Variants in NPAS3 observed in about 807,000 individuals in gnomAD.
NPAS3 encodes neuronal PAS domain-containing protein 3.
In NPAS3, 14 loss-of-function variants were observed where a neutral mutation model predicts 73.1. The ratio of observed to expected loss-of-function variants is 0.19; its 90% CI spans 0.13 to 0.30. The LOEUF (loss-of-function observed/expected upper bound fraction) is 0.30, where lower values mean the gene tolerates loss of function less well. Among genes scored for constraint, NPAS3 ranks in the 10% least tolerant of loss-of-function variants. The probability of loss-of-function intolerance (pLI) is 1.00; values close to 1 mark genes in which losing one functional copy is unlikely to be tolerated. For missense variants in NPAS3, 1,096 were observed against 1,250.0 expected (o/e 0.88, Z 1.86); for synonymous variants, 620 against 541.5 (o/e 1.14, Z -2.01).
intron 1 of NPAS3, among the ~76,000 whole-genome samples, chr14:32,943,619 A>C (rs2036121907): frequency 6.6e-6 from 1 of 150,388 alleles, no homozygotes; most frequent in Non-Finnish European, 1.5e-5. Context: ...TTGGGGAAGC[A>C]TTATTTATTT....
At chr14:33,528,857 G>T (rs954010435) in intron 4 of NPAS3, among the ~76,000 whole-genome samples, 7 of 152,086 alleles carry the variant, frequency 4.6e-5, no homozygotes, top group Non-Finnish European at 1.0e-4. Flanking sequence ...TAGCGGTCAC[G>T]TGTCACATCA....
At chr14:33,649,037 G>A (rs1371512504) in intron 5 of NPAS3, among the ~76,000 whole-genome samples, 6 of 152,144 alleles carry the variant, frequency 3.9e-5, no homozygotes, top group Admixed American at 3.9e-4. Context: ...GTAGAGGGAA[G>A]CACCCTATAC....
At chr14:33,594,997 A>C (rs1193984138) in intron 5 of NPAS3, among the ~76,000 whole-genome samples, 1 of 152,280 alleles carries the variant, frequency 6.6e-6, no homozygotes, top group South Asian at 2.1e-4. Flanking sequence ...AAAGGAGAAA[A>C]CCATGCCATT....
chr14:33,079,663 G>C (rs149044399), intron 2 of NPAS3, among the ~76,000 whole-genome samples: 4,512 of 138,774 alleles, frequency 0.033, 239 homozygotes, highest in African/African-American at 0.12. Context: ...GCAGGCTGGA[G>C]TGCAGTGGTG....
At chr14:33,774,139 G>A (rs752245993) in intron 7 of NPAS3, among the ~76,000 whole-genome samples, 198 bp from the exon 8 acceptor site, 2 of 152,156 alleles carry the variant, frequency 1.3e-5, no homozygotes, top group Admixed American at 1.3e-4. Context: ...CTTGAGGAAC[G>A]CCTGGAATGT....
At chr14:33,601,434 A>G (rs2057396056) in intron 5 of NPAS3, among the ~76,000 whole-genome samples, 1 of 152,188 alleles carries the variant, frequency 6.6e-6, no homozygotes. Context: ...ATTGTCATGT[A>G]TTTTTGGCAA....
chr14:33,406,719 A>G (rs2047684199), intron 4 of NPAS3, among the ~76,000 whole-genome samples: 1 of 152,136 alleles, frequency 6.6e-6, no homozygotes, highest in Admixed American at 6.6e-5. Context: ...TGTTCCTGAT[A>G]GTTTTTACTC....
chr14:33,459,942 C>T (rs975142843), intron 4 of NPAS3, among the ~76,000 whole-genome samples: 6 of 152,142 alleles, frequency 3.9e-5, no homozygotes, highest in Admixed American at 6.5e-5. Flanking sequence ...GCCTAGTGCC[C>T]AGCATGGTGC....
intron 3 of NPAS3, among the ~76,000 whole-genome samples, chr14:33,347,288 G>GT (rs1566818227): frequency 6.6e-6 from 1 of 152,148 alleles, no homozygotes; most frequent in Non-Finnish European, 1.5e-5. Flanking sequence ...GTATCAAAAG[G>GT]TAAGGAAAAG....
intron 1 of NPAS3, among the ~76,000 whole-genome samples, chr14:32,946,014 A>T (rs936986043): frequency 6.6e-6 from 1 of 152,226 alleles, no homozygotes; most frequent in Non-Finnish European, 1.5e-5. Flanking sequence ...TAGTTGAAGC[A>T]TTTTTATTTT....
At chr14:33,603,482 G>A (rs1260267415) in intron 5 of NPAS3, among the ~76,000 whole-genome samples, 2 of 152,000 alleles carry the variant, frequency 1.3e-5, no homozygotes, top group African/African-American at 4.8e-5. Flanking sequence ...AATTCAAGAA[G>A]CTCAGTGAGC....
intron 5 of NPAS3, among the ~76,000 whole-genome samples, chr14:33,632,164 T>C (rs760431097): frequency 2.6e-5 from 4 of 152,312 alleles, no homozygotes; most frequent in Non-Finnish European, 5.9e-5. Context: ...CTTAAAGAAC[T>C]AGTTGGTGAC....
intron 3 of NPAS3, among the ~76,000 whole-genome samples, chr14:33,321,225 T>C (rs917709659): frequency 2.6e-5 from 4 of 152,254 alleles, no homozygotes; most frequent in Non-Finnish European, 4.4e-5. Flanking sequence ...TTCTGCTTAA[T>C]TAGTTCAAAA....
intron 5 of NPAS3, among the ~76,000 whole-genome samples, chr14:33,653,793 T>C (rs1341379424): frequency 6.6e-6 from 1 of 152,190 alleles, no homozygotes; most frequent in African/African-American, 2.4e-5. Flanking sequence ...CCACTTGCTG[T>C]TTTTATTTTT....
At chr14:33,054,558 A>T (rs905568301) in intron 1 of NPAS3, among the ~76,000 whole-genome samples, 3 of 152,146 alleles carry the variant, frequency 2.0e-5, no homozygotes, top group African/African-American at 7.2e-5. Context: ...GGCTTTATGA[A>T]ATATTAAGTA....
chr14:33,793,828 TAA>T (rs36025922), intron 9 of NPAS3, 67 bp from the exon 10 acceptor site: 40,967 of 1,276,848 alleles, frequency 0.032, 386 homozygotes, highest in African/African-American at 0.12. Context: ...TTTGCAGAGA[TAA>T]AAAAAAAAAA....
chr14:33,338,254 C>T (rs4982077), intron 3 of NPAS3, among the ~76,000 whole-genome samples: 9 of 152,088 alleles, frequency 5.9e-5, no homozygotes, highest in East Asian at 5.8e-4. Context: ...TCTGTCTAAG[C>T]CTCTTTGCTT....
intron 3 of NPAS3, among the ~76,000 whole-genome samples, chr14:33,295,948 C>T (rs552461097): frequency 7.2e-5 from 11 of 152,274 alleles, no homozygotes; most frequent in Non-Finnish European, 1.5e-4. Flanking sequence ...AGAAAGTTAA[C>T]TCATTATTTG....
chr14:33,012,728 T>G (rs1490820613), intron 1 of NPAS3, among the ~76,000 whole-genome samples: 3 of 152,108 alleles, frequency 2.0e-5, no homozygotes, highest in Non-Finnish European at 4.4e-5. Context: ...TTTTGTATTT[T>G]TAGTAGAGAC....
Sources: gnomAD v4.1 joint callset for allele counts (sites outside exome capture counted in the v4.1 genomes callset) on GRCh38, gnomAD v4.1.1 for gene constraint, MANE v1.5 for transcripts, NCBI Gene and HGNC (gene_info 2026-07-23, HGNC 2026-07-21) for gene names.